ATP2A2: variants seen among roughly 807,000 people sequenced by gnomAD.
ATP2A2 encodes ATPase sarcoplasmic/endoplasmic reticulum Ca2+ transporting 2.
In ATP2A2, 14 loss-of-function variants were observed where a neutral mutation model predicts 109.3. The ratio of observed to expected loss-of-function variants is 0.13; its 90% CI spans 0.08 to 0.20. The LOEUF is 0.20. Ranked by LOEUF, ATP2A2 falls within the 10% of genes least tolerant of loss-of-function variation. The pLI is 1.00. For synonymous variants in ATP2A2, 506 were observed against 490.9 expected, an observed-to-expected ratio of 1.03 and a Z score of -0.41; for missense variants, 657 against 1,321.6, an observed-to-expected ratio of 0.50 and a Z score of 7.80.
chr12:110,311,667 G>A (rs1876085893), intron 5 of ATP2A2, among the ~76,000 whole-genome samples: 1 of 143,372 alleles, frequency 7.0e-6, no homozygotes, highest in Admixed American at 7.3e-5. Flanking sequence ...CTAATATTTT[G>A]GGTTTTGTGG....
rs142074481 is a variant in ATP2A2, at chr12:110,346,336, C to T, written c.2995C>T (p.Gln999Ter). ...CCTGGAACCTGGTAAAGAGTGTGTG[C>T]AGCCTGCCACCAAATCCTGCTCGTT... The part of the protein sequence containing the change: ...NYLEPGKECV[Q>*]PATKSCSFSA... The change falls in exon 20 of 20, where the codon CAG (glutamine) becomes TAG (stop). Residue 999 changes from glutamine (Q) to a stop codon, truncating the protein, a stop_gained. Coordinates refer to ENST00000539276, the MANE Select transcript of ATP2A2 (RefSeq NM_170665.4). LOFTEE classifies it high-confidence loss of function. 6.2e-7 allele frequency: 1 copy of T among 1,614,004 alleles called. No individual in the cohort carries two copies. Among genetic ancestry groups the T allele is most frequent in the Non-Finnish European group, 8.5e-7 (1 of 1,180,012 alleles).
At chr12:110,308,761 C>G (rs899133223) in intron 5 of ATP2A2, among the ~76,000 whole-genome samples, 1 of 152,048 alleles carries the variant, frequency 6.6e-6, no homozygotes, top group Non-Finnish European at 1.5e-5. Flanking sequence ...TCTTGTCAGT[C>G]GAAGGTACTA....
In ATP2A2 at chr12:110,342,483, C is replaced by A; in HGVS notation, c.2318+35C>A. On this transcript the variant is annotated intron_variant, in intron 15 of 19. Transcript: ENST00000539276. The surrounding 1 kb of genome is among the most constrained non-coding windows in gnomAD (Gnocchi z 4.6). Reference sequence around the variant, plus strand: ...TGTGACAGCATCACTTACTGTACGCCTTTATCTAAATGGGTCATGGAGCCC... The same window carrying A: ...TGTGACAGCATCACTTACTGTACGCATTTATCTAAATGGGTCATGGAGCCC... The A allele has an allele frequency of 6.2e-7, 1 of 1,600,860 alleles. No homozygotes were observed. The highest frequency in any genetic ancestry group is 8.5e-7 in the Non-Finnish European group (1 of 1,170,194).
chr12:110,293,871 T>TATATATATATA (rs1491495436), intron 4 of ATP2A2, among the ~76,000 whole-genome samples: 8 of 79,498 alleles, frequency 1.0e-4, no homozygotes, highest in African/African-American at 2.3e-4. Context: ...TGTGTATATA[T>TATATATATATA]TTTTTTTTTT....
Position 110,339,755 on chromosome 12 carries a change from T to C in ATP2A2, c.1761+34T>C, listed in dbSNP as rs1879173791. 1 of 1,597,954 alleles carries C rather than the reference T, an allele frequency of 6.3e-7. No individual in the cohort carries two copies. Among genetic ancestry groups the C allele is most frequent in the Non-Finnish European group, 8.6e-7 (1 of 1,166,320 alleles). ...ATGAAAAGTTTCTTTGTCCACACCC[T>C]GCACGATTCATTGTGTTTAAACAGT... is the stretch of plus-strand genomic sequence containing the variant. On this transcript the variant is annotated intron_variant, in intron 13 of 19. Coordinates refer to ENST00000539276, the MANE Select transcript of ATP2A2 (RefSeq NM_170665.4). This position sits in a 1 kb window ranked among gnomAD's most constrained non-coding sequence, Gnocchi z 4.4.
chr12:110,346,691 C>T lies in ATP2A2; in HGVS notation c.*221C>T, dbSNP rs1371323809. ...TCCATTGACATGTACAGAGAACTAA[C>T]ACTATTTTATGCAAATATTTTTTTG... On this transcript the variant is annotated 3_prime_UTR_variant, in exon 20 of 20. Coordinates refer to ENST00000539276, the MANE Select transcript of ATP2A2 (RefSeq NM_170665.4). The T allele has an allele frequency of 7.1e-7, 1 of 1,412,364 alleles. No individual in the cohort carries two copies. Among genetic ancestry groups the T allele is most frequent in the Non-Finnish European group, 9.2e-7 (1 of 1,088,150 alleles). The allele number at this position is 1,412,364 out of a possible 1,614,324, so 87.5% of individuals were successfully genotyped here.
intron 5 of ATP2A2, among the ~76,000 whole-genome samples, chr12:110,321,053 G>A (rs968713012): frequency 2.0e-5 from 3 of 152,146 alleles, no homozygotes; most frequent in African/African-American, 4.8e-5. Context: ...ATAGTGAAAC[G>A]CTATCTCTAC....
chr12:110,342,518 A>G lies in ATP2A2; in HGVS notation c.2318+70A>G. ...ATGGGTCATGGAGCCCAGTTCTCGC[A>G]GTTTGCTCTCCAGATTGCAGCAGCT... is the stretch of plus-strand genomic sequence containing the variant. On this transcript the variant is annotated intron_variant, in intron 15 of 19. Transcript: ENST00000539276. The surrounding 1 kb of genome is among the most constrained non-coding windows in gnomAD (Gnocchi z 4.6). 1 of 1,528,056 alleles carries G rather than the reference A, an allele frequency of 6.5e-7. No individual in the cohort carries two copies. The highest frequency in any genetic ancestry group is 9.0e-7 in the Non-Finnish European group (1 of 1,114,410). The allele number at this position is 1,528,056 out of a possible 1,614,324, so 94.7% of individuals were successfully genotyped here.
chr12:110,309,652 C>CA (rs1875787147), intron 5 of ATP2A2, among the ~76,000 whole-genome samples: 2 of 152,076 alleles, frequency 1.3e-5, no homozygotes, highest in South Asian at 4.2e-4. Flanking sequence ...CCTGTAATCT[C>CA]AGCACTTTTG....
chr12:110,305,372 T>G (rs1410916279), intron 5 of ATP2A2, among the ~76,000 whole-genome samples: 1 of 152,128 alleles, frequency 6.6e-6, no homozygotes, highest in African/African-American at 2.4e-5. Flanking sequence ...GCCACTGTCC[T>G]CCACCCTAGG....
At position 110,292,054 on chromosome 12, in the gene ATP2A2, T is replaced by C; in HGVS notation, c.254T>C (p.Ile85Thr). 6.2e-7 allele frequency: 1 copy of C among 1,614,200 alleles called. No individual in the cohort carries two copies. Among genetic ancestry groups the C allele is most frequent in the Non-Finnish European group, 8.5e-7 (1 of 1,180,040 alleles). Residue 85 changes from isoleucine to threonine, a missense_variant, in exon 4 of 20, where the codon ATT becomes ACT. This residue lies in a region of ATP2A2 where 136 missense variants were observed against 343.9 expected (regional missense o/e 0.40). Coordinates refer to ENST00000539276, the MANE Select transcript of ATP2A2 (RefSeq NM_170665.4). Reference protein sequence around the residue: ...LAWFEEGEETITAFVEPFVIL... With the variant: ...LAWFEEGEETTTAFVEPFVIL... The stretch of plus-strand genomic sequence containing the variant: ...TGGTTTGAAGAAGGTGAAGAAACAA[T>C]TACAGCCTTTGTAGAACCTTTTGTA...
chr12:110,283,155 G>A (rs1011274488), intron 3 of ATP2A2, among the ~76,000 whole-genome samples: 1 of 152,178 alleles, frequency 6.6e-6, no homozygotes, highest in African/African-American at 2.4e-5. Flanking sequence ...CTAAGATGAT[G>A]TTGGACTCTT....
Position 110,346,411 on chromosome 12 carries a change from C to T in ATP2A2, c.3070C>T (p.Pro1024Ser). Residue 1024 changes from proline (P) to serine (S), a missense_variant, in exon 20 of 20, where the codon CCC becomes TCC. Transcript: ENST00000539276. ...CTGGCCGTTTGTGCTGCTCATAATGCCCCTGGTGATCTGGGTCTATAGCAC... is the reference window on the plus strand; with the variant it reads ...CTGGCCGTTTGTGCTGCTCATAATGTCCCTGGTGATCTGGGTCTATAGCAC... ...ISWPFVLLIM[P>S]LVIWVYSTDT... 1 of 1,614,194 alleles carries T rather than the reference C, an allele frequency of 6.2e-7. No homozygotes were observed. The highest frequency in any genetic ancestry group is 8.5e-7 in the Non-Finnish European group (1 of 1,180,042).
intron 11 of ATP2A2, among the ~76,000 whole-genome samples, chr12:110,334,827 A>G (rs937948536): frequency 6.6e-6 from 1 of 152,112 alleles, no homozygotes; most frequent in Non-Finnish European, 1.5e-5. Context: ...ACCTCAGGTG[A>G]TCCGCCCACC....
rs1592876080 is a variant in ATP2A2 at position 110,350,524 on chromosome 12, T to G, written c.*4054T>G. ...ACTGATTACAGATGTACAATTTAGC[T>G]TAATCAGAAAGCCTCTCCAGAGAAG... On this transcript the variant is annotated 3_prime_UTR_variant, in exon 20 of 20. Transcript: ENST00000539276. 3 of 725,714 alleles carry G rather than the reference T, an allele frequency of 4.1e-6. No homozygotes were observed. In the African/African-American group the frequency reaches 5.3e-5, roughly 13 times the overall value. The allele number at this position is 725,714 out of a possible 1,614,324, so 45.0% of individuals were successfully genotyped here.
chr12:110,332,816 T>C (rs957855678), intron 9 of ATP2A2, 131 bp downstream of exon 9: 8 of 867,224 alleles, frequency 9.2e-6, no homozygotes, highest in African/African-American at 1.7e-5. Context: ...ACTAAAGTAG[T>C]AAATGTTTTT....
In ATP2A2 at chr12:110,333,894, G is replaced by A. The variant is rs988598823; in HGVS notation, c.1288-118G>A. ...ACCTGTTTCAGAGGAGGATAAAAAT[G>A]GCCTTACAGTGTTGTAATAGAGGAC... On this transcript the variant is annotated intron_variant, in intron 10 of 19. Transcript: ENST00000539276. The A allele has an allele frequency of 3.8e-6, 5 of 1,313,402 alleles. No individual in the cohort carries two copies. The African/African-American group carries it at 7.4e-5, about 19-fold the overall frequency. 81.4% of individuals were successfully genotyped at this position (1,313,402 alleles called of 1,614,324 possible). A position where few individuals can be genotyped will look rare whatever the true frequency, so the allele number is the denominator to read the frequency against.
intron 8 of ATP2A2, among the ~76,000 whole-genome samples, chr12:110,328,729 C>G (rs566047766): frequency 2.0e-5 from 3 of 152,158 alleles, no homozygotes; most frequent in Admixed American, 6.6e-5. Flanking sequence ...CCATGCCCCA[C>G]TAGTTTTTTT....
In ATP2A2 at chr12:110,282,813, T is replaced by A; in HGVS notation, c.219+18T>A. On this transcript the variant is annotated intron_variant, in intron 3 of 19. Transcript: ENST00000539276. ...TATCTTTTGTAAGTATAAAAAAATT[T>A]ATTTTCTTTCCCCCCAAAAGCTGAA... 1.3e-6 allele frequency: 2 copies of A among 1,594,172 alleles called. No homozygotes were observed. Among genetic ancestry groups the A allele is most frequent in the African/African-American group, 1.3e-5 (1 of 74,516 alleles).
Sources: allele counts gnomAD v4.1 joint callset (sites outside exome capture counted in the v4.1 genomes callset), GRCh38; gene constraint gnomAD v4.1.1; regional missense constraint gnomAD v4.1.1; non-coding constraint Gnocchi (gnomAD v3.1); transcripts MANE v1.5; gene names NCBI Gene and HGNC (gene_info 2026-07-23, HGNC 2026-07-21).